MPP1: variants seen among roughly 807,000 people sequenced by gnomAD.
MPP1 encodes 55 kDa erythrocyte membrane protein.
Under a neutral mutation model 38.2 loss-of-function variants are expected in MPP1, and 6 were observed. The ratio of observed to expected loss-of-function variants is 0.16; its 90% CI spans 0.09 to 0.31. The LOEUF is 0.31. Among genes scored for constraint, MPP1 ranks in the 10% least tolerant of loss-of-function variants. The pLI is 1.00. For missense variants in MPP1, 293 were observed against 368.9 expected, an observed-to-expected ratio of 0.79 and a Z score of 1.69; for synonymous variants, 153 against 146.3, an observed-to-expected ratio of 1.05 and a Z score of -0.33.
intron 5 of MPP1, among the ~76,000 whole-genome samples, chrX:154,788,651 C>T (rs180766722): frequency 1.1e-3 from 126 of 112,126 alleles, no homozygotes; most frequent in Non-Finnish European, 1.9e-3. Context: ...ATTCTACTCT[C>T]AAAAGAAAGG....
intron 1 of MPP1, among the ~76,000 whole-genome samples, chrX:154,800,527 C>T (rs895547411): frequency 5.4e-5 from 6 of 112,115 alleles, no homozygotes; most frequent in Non-Finnish European, 3.8e-5. Context: ...CAAGTAGCAC[C>T]GTTCCACACA....
Position 154,786,367 on chromosome X carries a change from T to G in MPP1, c.514A>C (p.Lys172Gln), listed in dbSNP as rs782006929. Reference protein sequence around the residue: ...FMRAQFDYDPKKDNLIPCKEA... With the variant: ...FMRAQFDYDPQKDNLIPCKEA... ...TTGCAAGGGATCAGATTGTCCTTTT[T>G]GGGATCATAGTCAAACTGCGCTCTC... The change falls in exon 6 of 12, where the codon AAA becomes CAA. Residue 172 changes from lysine to glutamine, a missense_variant. Transcript: ENST00000369534. 1.7e-6 allele frequency: 2 copies of G among 1,211,450 alleles called. No homozygotes were observed. Among genetic ancestry groups the G allele is most frequent in the Non-Finnish European group, 2.2e-6 (2 of 895,406 alleles).
In MPP1 at chrX:154,786,336, G is replaced by A. The variant is rs782624566; in HGVS notation, c.545C>T (p.Ala182Val). The A allele has an allele frequency of 1.6e-5, 19 of 1,211,101 alleles. No homozygotes were observed. Among genetic ancestry groups the A allele is most frequent in the South Asian group, 1.2e-4 (7 of 56,957 alleles). Residue 182 changes from alanine (A) to valine (V), a missense_variant, in exon 6 of 12, where the codon GCG becomes GTG. Coordinates refer to ENST00000369534, the MANE Select transcript of MPP1 (RefSeq NM_002436.4). ...GTCCCCAGTAGCAAACTTCAGTCCC[G>A]CCTCCTTGCAAGGGATCAGATTGTC... ...KKDNLIPCKE[A>V]GLKFATGDII...
chrX:154,802,438 C>T (rs1335675072), intron 1 of MPP1, among the ~76,000 whole-genome samples: 1 of 111,544 alleles, frequency 9.0e-6, no homozygotes, highest in Non-Finnish European at 1.9e-5. Context: ...TGCCTGGAGC[C>T]TGACTTATCT....
At position 154,781,589 on chromosome X, in the gene MPP1, T is replaced by A. The variant is rs1368503190; in HGVS notation, c.1149+11A>T. 5.8e-6 allele frequency: 7 copies of A among 1,206,426 alleles called. No individual in the cohort carries two copies. In the African/African-American group the frequency reaches 1.2e-4, roughly 21 times the overall value. On this transcript the variant is annotated intron_variant, in intron 10 of 11. Coordinates refer to ENST00000369534, the MANE Select transcript of MPP1 (RefSeq NM_002436.4). Reference sequence around the variant, plus strand: ...GAGCCCATCTGTCCCTGCCCTTCCATGCCTACCCACCTGGGGCTCAATGTC... The same window carrying A: ...GAGCCCATCTGTCCCTGCCCTTCCAAGCCTACCCACCTGGGGCTCAATGTC...
intron 6 of MPP1, among the ~76,000 whole-genome samples, chrX:154,785,652 G>T (rs1260491455): frequency 1.8e-5 from 2 of 112,045 alleles, no homozygotes; most frequent in African/African-American, 3.3e-5. Context: ...CTTTACACTG[G>T]GGTAAGTTTG....
At chrX:154,803,658 G>T (rs1037076809) in intron 1 of MPP1, among the ~76,000 whole-genome samples, 1 of 112,469 alleles carries the variant, frequency 8.9e-6, no homozygotes, top group African/African-American at 3.2e-5. Flanking sequence ...CATGTTCCAG[G>T]TGGAGGAAGG....
rs782026002 is a variant in MPP1, at chrX:154,779,368, G to A, written c.1225-15C>T. On this transcript the variant is annotated splice_polypyrimidine_tract_variant and intron_variant, in intron 11 of 11. Transcript: ENST00000369534. ...AGGGCTTCTGTCTGCAAAGAAGAAA[G>A]CCACAGATGAAGCAAGCTGCACCAC... 8.3e-7 allele frequency: 1 copy of A among 1,198,086 alleles called. No homozygotes were observed. The highest frequency in any genetic ancestry group is 3.0e-5 in the East Asian group (1 of 33,737).
chrX:154,788,941 A>T (rs1285749844), intron 5 of MPP1, among the ~76,000 whole-genome samples: 1 of 112,078 alleles, frequency 8.9e-6, no homozygotes, highest in Non-Finnish European at 1.9e-5. Context: ...CAAAGAATTC[A>T]TACTGTATAA....
chrX:154,783,556 G>A, intron 8 of MPP1, 49 bp from the exon 9 acceptor site: 1 of 1,060,755 alleles, frequency 9.4e-7, no homozygotes, highest in Non-Finnish European at 1.3e-6. Context: ...AGAGGAGCGA[G>A]GATAAGATAC....
In MPP1 at chrX:154,791,860, C is replaced by T. The variant is rs367591122; in HGVS notation, c.247-13G>A. ...TCAGCGTGATTCCCTGAAATAAAGG[C>T]GACGGCACAATAAGCTTTATTTTAA... On this transcript the variant is annotated splice_polypyrimidine_tract_variant and intron_variant, in intron 2 of 11. Coordinates refer to ENST00000369534, the MANE Select transcript of MPP1 (RefSeq NM_002436.4). 735 of 1,182,568 alleles carry T rather than the reference C, an allele frequency of 6.2e-4. No individual in the cohort carries two copies. In the South Asian group the frequency reaches 7.9e-3, roughly 13 times the overall value.
intron 1 of MPP1, chrX:154,792,517 C>A (rs1033623827): frequency 2.0e-5 from 7 of 344,041 alleles, no homozygotes; most frequent in African/African-American, 1.8e-4. Context: ...AGTCCCAGGG[C>A]AACAGAGTGA....
chrX:154,784,197 A>C, intron 7 of MPP1, 89 bp from the exon 8 acceptor site: 1 of 708,163 alleles, frequency 1.4e-6, no homozygotes, highest in Non-Finnish European at 2.2e-6. Flanking sequence ...GCCTCGCGAC[A>C]TCTCAACAAG....
At chrX:154,799,836 C>G in intron 1 of MPP1, 1 of 1,164,542 alleles carries the variant, frequency 8.6e-7, no homozygotes, top group Admixed American at 2.6e-5. Flanking sequence ...CTGAAAGCCC[C>G]TTCAGAGGAA....
At chrX:154,798,889 C>T (rs2072230361) in intron 1 of MPP1, among the ~76,000 whole-genome samples, 1 of 110,752 alleles carries the variant, frequency 9.0e-6, no homozygotes, top group Admixed American at 9.6e-5. Context: ...CATGCACCAC[C>T]ACGCCCGGCT....
At chrX:154,783,600 C>G (rs1431626320) in intron 8 of MPP1, 93 bp from the exon 9 acceptor site, 1 of 742,096 alleles carries the variant, frequency 1.3e-6, no homozygotes, top group East Asian at 3.5e-5. Flanking sequence ...AAACTGCCAA[C>G]AGGTGAACAT....
chrX:154,798,896 G>A (rs5945243), intron 1 of MPP1, among the ~76,000 whole-genome samples: 3,801 of 110,214 alleles, frequency 0.034, 85 homozygotes, highest in South Asian at 0.13. Flanking sequence ...CACCACGCCC[G>A]GCTAATTTTG....
intron 6 of MPP1, among the ~76,000 whole-genome samples, chrX:154,785,432 T>G (rs1195470926): frequency 9.0e-6 from 1 of 110,750 alleles, no homozygotes; most frequent in African/African-American, 3.3e-5. Context: ...GTCTAGACCA[T>G]AAAGGTCTCA....
chrX:154,794,320 T>C (rs1163382796), intron 1 of MPP1, among the ~76,000 whole-genome samples: 4 of 111,794 alleles, frequency 3.6e-5, no homozygotes, highest in Non-Finnish European at 7.5e-5. Context: ...AAATGCTCCT[T>C]CTCAGTTTGC....
Sources: gnomAD v4.1 joint callset for allele counts (sites outside exome capture counted in the v4.1 genomes callset) on GRCh38, gnomAD v4.1.1 for gene constraint, MANE v1.5 for transcripts, NCBI Gene and HGNC (gene_info 2026-07-23, HGNC 2026-07-21) for gene names.